The following ZNF385B variants were observed in gnomAD, a reference collection of about 807,000 sequenced individuals.
ZNF385B encodes zinc finger protein 385B, also known as zinc finger protein 533.
In ZNF385B, 23 loss-of-function variants were observed where a neutral mutation model predicts 39.2. The observed-to-expected ratio is 0.59, with a 90% CI of 0.42 to 0.83. ZNF385B has a LOEUF of 0.83. Ranked by LOEUF, ZNF385B falls within the 40% of genes least tolerant of loss-of-function variation. ZNF385B has a pLI of 0.00. For missense variants in ZNF385B, 552 were observed against 598.9 expected, an observed-to-expected ratio of 0.92 and a Z score of 0.82; for synonymous variants, 205 against 222.6, an observed-to-expected ratio of 0.92 and a Z score of 0.70.
intron 1 of ZNF385B, among the ~76,000 whole-genome samples, chr2:179,804,793 C>T (rs1046003448): frequency 9.2e-5 from 14 of 152,204 alleles, no homozygotes; most frequent in African/African-American, 3.1e-4. Context: ...CAGCACAAAA[C>T]TCCTATCCAA....
chr2:179,523,958 T>C (rs1046556723), intron 4 of ZNF385B, among the ~76,000 whole-genome samples: 1 of 152,096 alleles, frequency 6.6e-6, no homozygotes, highest in Non-Finnish European at 1.5e-5. Context: ...AAGTTTTTTT[T>C]TAAATTTTTA....
chr2:179,520,129 T>C (rs1278457063), intron 4 of ZNF385B, among the ~76,000 whole-genome samples: 1 of 151,690 alleles, frequency 6.6e-6, no homozygotes, highest in Non-Finnish European at 1.5e-5. Flanking sequence ...CTTAGGAGTT[T>C]GAGACCAGAC....
chr2:179,612,575 A>T (rs555259784), intron 3 of ZNF385B, among the ~76,000 whole-genome samples: 5 of 152,148 alleles, frequency 3.3e-5, no homozygotes, highest in South Asian at 2.1e-4. Context: ...TTACTTTCTC[A>T]CAAACTAATG....
rs1379791830 is a variant in ZNF385B at position 179,813,959 on chromosome 2, G to T, written c.-154-43287C>A. 6.6e-5 allele frequency among the ~76,000 whole-genome samples: 10 copies of T among 152,158 alleles called. No individual in the cohort carries two copies. The South Asian group carries it at 1.7e-3, about 25-fold the overall frequency. Reference sequence around the variant, plus strand: ...TATTTAAATCAAAAATAGAAAGTAGGTTAAAAAATCCAGTAAAATAATGAA... The same window carrying T: ...TATTTAAATCAAAAATAGAAAGTAGTTTAAAAAATCCAGTAAAATAATGAA... On this transcript the variant is annotated intron_variant, in intron 1 of 9. Coordinates refer to ENST00000410066, the MANE Select transcript of ZNF385B (RefSeq NM_152520.6).
intron 3 of ZNF385B, among the ~76,000 whole-genome samples, chr2:179,752,000 T>C (rs1702706719): frequency 6.6e-6 from 1 of 152,176 alleles, no homozygotes; most frequent in Non-Finnish European, 1.5e-5. Flanking sequence ...GTTTCTTACA[T>C]ATGTATACAT....
intron 1 of ZNF385B, among the ~76,000 whole-genome samples, chr2:179,787,651 T>C (rs565275605): frequency 3.3e-5 from 5 of 152,292 alleles, no homozygotes; most frequent in South Asian, 4.1e-4. Context: ...AAGACTGTCC[T>C]CCTCTTCAAC....
At chr2:179,790,724 G>A (rs765819220) in intron 1 of ZNF385B, among the ~76,000 whole-genome samples, 3 of 152,160 alleles carry the variant, frequency 2.0e-5, no homozygotes, top group Non-Finnish European at 4.4e-5. Context: ...AAAAGTGACA[G>A]CTCTGTCAGT....
At chr2:179,492,968 T>A (rs1327843058) in intron 5 of ZNF385B, among the ~76,000 whole-genome samples, 1 of 152,086 alleles carries the variant, frequency 6.6e-6, no homozygotes, top group Non-Finnish European at 1.5e-5. Flanking sequence ...CTTCCACATA[T>A]AAGAGATTGG....
rs200421635 is a variant in ZNF385B, at chr2:179,769,458, C to T, written c.298+45G>A. Reference sequence around the variant, plus strand: ...AAATCCTTCATTTTCCAGACCAGGACCATCTCTCCCCGCAGCACATGGAAC... The same window carrying T: ...AAATCCTTCATTTTCCAGACCAGGATCATCTCTCCCCGCAGCACATGGAAC... On this transcript the variant is annotated intron_variant, in intron 3 of 9. Transcript: ENST00000410066. 1.1e-5 allele frequency: 18 copies of T among 1,605,788 alleles called. No individual in the cohort carries two copies. The East Asian group carries it at 3.8e-4, about 34-fold the overall frequency.
At chr2:179,673,178 G>T (rs191162790) in intron 3 of ZNF385B, among the ~76,000 whole-genome samples, 7 of 152,162 alleles carry the variant, frequency 4.6e-5, no homozygotes, top group African/African-American at 1.4e-4. Flanking sequence ...CAAGCCAAGC[G>T]AAGTAACATA....
chr2:179,661,488 A>T (rs976422460), intron 3 of ZNF385B, among the ~76,000 whole-genome samples: 1 of 152,058 alleles, frequency 6.6e-6, no homozygotes, highest in African/African-American at 2.4e-5. Flanking sequence ...CCCCTCATAT[A>T]TCTATATCTG....
At chr2:179,762,572 T>C (rs1483797288) in intron 3 of ZNF385B, among the ~76,000 whole-genome samples, 1 of 152,340 alleles carries the variant, frequency 6.6e-6, no homozygotes, top group East Asian at 1.9e-4. Flanking sequence ...TATAATTCTT[T>C]TGATACATTG....
chr2:179,787,371 A>G (rs886880954), intron 1 of ZNF385B, among the ~76,000 whole-genome samples: 2 of 152,048 alleles, frequency 1.3e-5, no homozygotes, highest in African/African-American at 4.8e-5. Flanking sequence ...ATAGTTTTAA[A>G]CATGGTACGT....
At position 179,501,479 on chromosome 2, in the gene ZNF385B, A is replaced by C. The variant is rs190378760; in HGVS notation, c.552+17049T>G. ...ATGTTAAGTAAAATAAGGCAGCCAC[A>C]GAAAGACAAACATCACATTTCTCAC... On this transcript the variant is annotated intron_variant, in intron 5 of 9. Coordinates refer to ENST00000410066, the MANE Select transcript of ZNF385B (RefSeq NM_152520.6). Among the ~76,000 whole-genome samples the C allele has an allele frequency of 1.5e-4, 23 of 152,330 alleles. No homozygotes were observed. In the East Asian group the frequency reaches 4.1e-3, roughly 27 times the overall value.
intron 5 of ZNF385B, among the ~76,000 whole-genome samples, chr2:179,507,891 A>G (rs2057367516): frequency 6.6e-6 from 1 of 152,176 alleles, no homozygotes; most frequent in African/African-American, 2.4e-5. Context: ...AGTTCCTTAC[A>G]GCCAGTCAGA....
chr2:179,830,206 T>C (rs1216996220), intron 1 of ZNF385B, among the ~76,000 whole-genome samples: 1 of 152,216 alleles, frequency 6.6e-6, no homozygotes. Flanking sequence ...TCTGTTAGGA[T>C]GGCTAAAAAA....
chr2:179,577,762 A>G (rs1331791318), intron 3 of ZNF385B, among the ~76,000 whole-genome samples: 2 of 150,444 alleles, frequency 1.3e-5, no homozygotes, highest in African/African-American at 4.9e-5. Context: ...AAGGAAAACA[A>G]TGAATAAACT....
At chr2:179,522,688 TTATAA>T (rs67249061) in intron 4 of ZNF385B, among the ~76,000 whole-genome samples, 66,814 of 151,528 alleles carry the variant, frequency 0.44, 14,975 homozygotes, top group Admixed American at 0.55. Flanking sequence ...TCTTAAATGT[TTATAA>T]TATATCTTTT....
intron 3 of ZNF385B, among the ~76,000 whole-genome samples, chr2:179,625,497 A>G (rs1045187072): frequency 2.0e-5 from 3 of 152,186 alleles, no homozygotes; most frequent in Middle Eastern, 3.4e-3. Context: ...ATAAGCGGCT[A>G]CAATCCTTTT....
Sources: allele counts gnomAD v4.1 joint callset (sites outside exome capture counted in the v4.1 genomes callset), GRCh38; gene constraint gnomAD v4.1.1; transcripts MANE v1.5; gene names NCBI Gene and HGNC (gene_info 2026-07-23, HGNC 2026-07-21).